CABIN1: variants seen among roughly 807,000 people sequenced by gnomAD.
CABIN1 encodes the protein calcineurin binding protein 1.
A neutral mutation model predicts 227.7 loss-of-function variants in CABIN1; 133 were observed. The observed-to-expected ratio is 0.58, with a 90% confidence interval of 0.51 to 0.67. CABIN1 has a LOEUF of 0.67. CABIN1 is among the 30% of genes least tolerant of loss of function. CABIN1 has a pLI of 0.00. For missense variants in CABIN1, 2,408 were observed against 2,852.5 expected (o/e 0.84, Z 3.55); for synonymous variants, 1,086 against 1,155.1 (o/e 0.94, Z 1.21).
At chr22:24,067,831 G>A (rs1669891928) in intron 16 of CABIN1, among the ~76,000 whole-genome samples, 6 of 152,094 alleles carry the variant, frequency 3.9e-5, no homozygotes, top group Admixed American at 3.3e-4. Flanking sequence ...ATGTGTGTTG[G>A]CACCATGCCT....
intron 29 of CABIN1, among the ~76,000 whole-genome samples, chr22:24,154,467 G>A (rs2045666889): frequency 1.3e-5 from 2 of 152,222 alleles, no homozygotes; most frequent in Non-Finnish European, 2.9e-5. Flanking sequence ...AGATGGCAAG[G>A]GGCTGTTGTG....
Position 24,134,292 on chromosome 22 carries a change from G to C in CABIN1, c.4633-10G>C. 2 of 1,611,010 alleles carry C rather than the reference G, an allele frequency of 1.2e-6. No individual in the cohort carries two copies. Among genetic ancestry groups the C allele is most frequent in the Non-Finnish European group, 1.7e-6 (2 of 1,177,878 alleles). On this transcript the variant is annotated splice_polypyrimidine_tract_variant and intron_variant, in intron 28 of 36. Coordinates refer to ENST00000263119, the MANE Select transcript of CABIN1 (RefSeq NM_012295.4). ...CACACTCACTTTCAACCTACTTCTT[G>C]TTTCCCCAGAACCTCCAGTGGGCCC...
intron 28 of CABIN1, 28 bp from the exon 29 acceptor site, chr22:24,134,274 A>C: frequency 6.3e-7 from 1 of 1,582,810 alleles, no homozygotes; most frequent in Non-Finnish European, 8.7e-7. Context: ...CCACACACTC[A>C]CTTTCAACCT....
At chr22:24,080,920 T>C (rs1319077702) in intron 19 of CABIN1, among the ~76,000 whole-genome samples, 1 of 152,170 alleles carries the variant, frequency 6.6e-6, no homozygotes, top group Non-Finnish European at 1.5e-5. Flanking sequence ...TTTTTTCTTT[T>C]TTCCCCCTTG....
chr22:24,013,606 A>G (rs2035011939), intron 1 of CABIN1, among the ~76,000 whole-genome samples: 1 of 152,226 alleles, frequency 6.6e-6, no homozygotes, highest in Admixed American at 6.5e-5. Context: ...ATCTTACATA[A>G]TCATACAATT....
chr22:24,177,025 A>G lies in CABIN1; in HGVS notation c.6206-479A>G, dbSNP rs1210614086. On this transcript the variant is annotated intron_variant, in intron 35 of 36. Coordinates refer to ENST00000263119, the MANE Select transcript of CABIN1 (RefSeq NM_012295.4). The surrounding 1 kb of genome is among the most constrained non-coding windows in gnomAD (Gnocchi z 4.4). ...CTGGCCCAGCCTTCAGGCTCTGGGC[A>G]AACTCAGCCCCTTGCTCCCACTGGA... Among the ~76,000 whole-genome samples, 1 of 152,214 alleles carries G rather than the reference A, an allele frequency of 6.6e-6. No homozygotes were observed. The highest frequency in any genetic ancestry group is 2.4e-5 in the African/African-American group (1 of 41,460).
chr22:24,113,859 C>A, intron 27 of CABIN1, 111 bp downstream of exon 27: 1 of 1,130,934 alleles, frequency 8.8e-7, no homozygotes, highest in Non-Finnish European at 1.3e-6. Flanking sequence ...TCACTTACTC[C>A]CTGGGCCTCC....
chr22:24,150,304 T>C (rs2038219363), intron 29 of CABIN1, among the ~76,000 whole-genome samples: 1 of 152,212 alleles, frequency 6.6e-6, no homozygotes, highest in African/African-American at 2.4e-5. Flanking sequence ...TCAGCAAGTG[T>C]GCTTGGGAGC....
rs1157171301 is a variant in CABIN1, at chr22:24,177,429, C to T, written c.6206-75C>T. Reference sequence around the variant, plus strand: ...ATAAAGGCCCAGGACCTGGGGGGAGCGGGTGGGGGCGAGATAAAGTGCTCA... The same window carrying T: ...ATAAAGGCCCAGGACCTGGGGGGAGTGGGTGGGGGCGAGATAAAGTGCTCA... On this transcript the variant is annotated intron_variant, in intron 35 of 36. Transcript: ENST00000263119. The surrounding 1 kb of genome is among the most constrained non-coding windows in gnomAD (Gnocchi z 4.4). The T allele has an allele frequency of 1.0e-5, 13 of 1,272,662 alleles. No homozygotes were observed. Among genetic ancestry groups the T allele is most frequent in the African/African-American group, 1.5e-5 (1 of 66,966 alleles). 78.8% of individuals were successfully genotyped at this position (1,272,662 alleles called of 1,614,324 possible).
At chr22:24,028,653 TC>T (rs1341457480) in intron 1 of CABIN1, among the ~76,000 whole-genome samples, 1 of 152,126 alleles carries the variant, frequency 6.6e-6, no homozygotes, top group Non-Finnish European at 1.5e-5. Flanking sequence ...GTTACAGGGC[TC>T]AGCTTCCTTA....
At chr22:24,122,415 T>TG (rs1405511710) in intron 28 of CABIN1, among the ~76,000 whole-genome samples, 3 of 152,208 alleles carry the variant, frequency 2.0e-5, no homozygotes, top group Admixed American at 2.0e-4. Flanking sequence ...AAATCCAAAA[T>TG]GCTCCAATGA....
In CABIN1 at chr22:24,054,924, C is replaced by G. The variant is rs755748764; in HGVS notation, c.858C>G (p.Thr286=). The G allele has an allele frequency of 8.1e-6, 13 of 1,614,242 alleles. 1 individual carries two copies. In the South Asian group the frequency reaches 1.4e-4, roughly 18 times the overall value. Reference sequence around the variant, plus strand: ...TGGCCATGTACAATCATCTCACCACCTGTGAGCCCCCACGTCCCAGCCTTG... The same window carrying G: ...TGGCCATGTACAATCATCTCACCACGTGTGAGCCCCCACGTCCCAGCCTTG... ...SLLAMYNHLT[T]CEPPRPSLGK... The change falls in exon 9 of 37, where the codon ACC becomes ACG. Residue 286 remains threonine (T), a synonymous_variant. Transcript: ENST00000263119.
At chr22:24,045,323 A>G (rs1187008156) in intron 6 of CABIN1, among the ~76,000 whole-genome samples, 1 of 152,112 alleles carries the variant, frequency 6.6e-6, no homozygotes, top group South Asian at 2.1e-4. Context: ...GCTCTTTCCA[A>G]CACCAGGTGT....
intron 29 of CABIN1, chr22:24,156,392 G>GGC: frequency 3.6e-6 from 1 of 276,236 alleles, no homozygotes; most frequent in Non-Finnish European, 6.7e-6. Flanking sequence ...CTTGGGCGGC[G>GGC]GCGCGCGGGG....
intron 28 of CABIN1, among the ~76,000 whole-genome samples, chr22:24,126,073 A>G (rs1411009817): frequency 6.6e-6 from 1 of 152,128 alleles, no homozygotes; most frequent in Non-Finnish European, 1.5e-5. Context: ...ACTACCCACA[A>G]CTGTCCCACA....
At chr22:24,098,776 C>G (rs1292867613) in intron 26 of CABIN1, among the ~76,000 whole-genome samples, 2 of 152,204 alleles carry the variant, frequency 1.3e-5, no homozygotes, top group African/African-American at 2.4e-5. Flanking sequence ...GGCTTGCATG[C>G]TGGCCTGTAG....
chr22:24,123,044 T>C (rs2043512914), intron 28 of CABIN1, among the ~76,000 whole-genome samples: 1 of 152,118 alleles, frequency 6.6e-6, no homozygotes, highest in Non-Finnish European at 1.5e-5. Flanking sequence ...TCCACACTCA[T>C]AGTTTGCCAT....
chr22:24,120,400 C>T (rs1356343815), intron 28 of CABIN1, among the ~76,000 whole-genome samples: 5 of 152,156 alleles, frequency 3.3e-5, no homozygotes, highest in Non-Finnish European at 7.4e-5. Flanking sequence ...GGTAATGTGG[C>T]CTGGGCAGGA....
chr22:24,087,710 G>C lies in CABIN1; in HGVS notation c.3522G>C (p.Gln1174His). Residue 1174 changes from glutamine (Q) to histidine (H), a missense_variant, in exon 23 of 37, where the codon CAG becomes CAC. Physicochemically the swap from Gln to His is conservative, Grantham distance 24. Coordinates refer to ENST00000263119, the MANE Select transcript of CABIN1 (RefSeq NM_012295.4). Reference protein sequence around the residue: ...WRGELPPELVQQMEGRRDSML... With the variant: ...WRGELPPELVHQMEGRRDSML... ...GCGAGCTGCCCCCTGAGCTCGTGCAGCAGGTGAGGAGGGGGTGCTGCAGAT... is the reference window on the plus strand; with the variant it reads ...GCGAGCTGCCCCCTGAGCTCGTGCACCAGGTGAGGAGGGGGTGCTGCAGAT... 6.2e-7 allele frequency: 1 copy of C among 1,613,782 alleles called. No individual in the cohort carries two copies. The highest frequency in any genetic ancestry group is 1.1e-5 in the South Asian group (1 of 91,052).
Sources: gnomAD v4.1 joint callset for allele counts (sites outside exome capture counted in the v4.1 genomes callset) on GRCh38, gnomAD v4.1.1 for gene constraint, Gnocchi (gnomAD v3.1) non-coding constraint, MANE v1.5 for transcripts, NCBI Gene and HGNC (gene_info 2026-07-23, HGNC 2026-07-21) for gene names.